ROCK2: variants seen among roughly 807,000 people sequenced by gnomAD.
ROCK2 encodes rho-associated protein kinase 2.
Under a neutral mutation model 195.1 loss-of-function variants are expected in ROCK2, and 61 were observed. The ratio of observed to expected loss-of-function variants is 0.31; its 90% CI spans 0.25 to 0.39. The LOEUF (loss-of-function observed/expected upper bound fraction) is 0.39. Ranked by LOEUF, ROCK2 falls within the 10% of genes least tolerant of loss-of-function variation. ROCK2 has a pLI of 1.00. For synonymous variants in ROCK2, 504 were observed against 545.5 expected (o/e 0.92, Z 1.06); for missense variants, 1,109 against 1,637.4 (o/e 0.68, Z 5.57).
At chr2:11,286,249 T>TTTTTTTTTTTTTTTTTG (rs1482990918) in intron 3 of ROCK2, among the ~76,000 whole-genome samples, 4 of 144,428 alleles carry the variant, frequency 2.8e-5, no homozygotes, top group African/African-American at 1.0e-4. Flanking sequence ...CAGATGTTTT[T>TTTTTTTTTTTTTTTTTG]AATCTGAACA....
intron 1 of ROCK2, among the ~76,000 whole-genome samples, chr2:11,321,141 T>C (rs984471766): frequency 6.6e-6 from 1 of 152,120 alleles, no homozygotes; most frequent in African/African-American, 2.4e-5. Context: ...ACTGCTGCTC[T>C]TTACCGGCAT....
At chr2:11,337,521 G>C (rs968321603) in intron 1 of ROCK2, among the ~76,000 whole-genome samples, 1 of 152,122 alleles carries the variant, frequency 6.6e-6, no homozygotes, top group Non-Finnish European at 1.5e-5. Context: ...CATGCAAATC[G>C]AAATCACATT....
chr2:11,293,878 G>C (rs1216586128), intron 1 of ROCK2, among the ~76,000 whole-genome samples: 1 of 152,112 alleles, frequency 6.6e-6, no homozygotes, highest in Non-Finnish European at 1.5e-5. Context: ...GAACGTACGG[G>C]CCAGGCGCGG....
In ROCK2 at chr2:11,227,507, C is replaced by T. The variant is rs1664857036; in HGVS notation, c.724-109G>A. On this transcript the variant is annotated intron_variant, in intron 5 of 32. Transcript: ENST00000315872. ...ATATACAATGATTACATATTGCTAA[C>T]CAACAGAACTTCACTGCTGACATGA... is the stretch of plus-strand genomic sequence containing the variant. 13 of 992,004 alleles carry T rather than the reference C, an allele frequency of 1.3e-5. No homozygotes were observed. The South Asian group carries it at 2.6e-4, about 20-fold the overall frequency. 61.5% of individuals were successfully genotyped at this position (992,004 alleles called of 1,614,324 possible). A position where few individuals can be genotyped will look rare whatever the true frequency, so the allele number is the denominator to read the frequency against.
At chr2:11,312,917 A>C (rs1006734473) in intron 1 of ROCK2, among the ~76,000 whole-genome samples, 1 of 152,140 alleles carries the variant, frequency 6.6e-6, no homozygotes, top group African/African-American at 2.4e-5. Flanking sequence ...ATTCTGGAAA[A>C]GGCAAAACTA....
At position 11,180,495 on chromosome 2, in the gene ROCK2, GTTT is replaced by G. The variant is rs1405377390; in HGVS notation, c.*2939_*2941del. ...TTAAAACTTGTTTCTAGAGAACATGGTTTTTTAAAATTAATACTTTAAAAACAT... is the reference window on the plus strand; with the variant it reads ...TTAAAACTTGTTTCTAGAGAACATGGTTTAAAATTAATACTTTAAAAACAT... On this transcript the variant is annotated 3_prime_UTR_variant, in exon 33 of 33. Coordinates refer to ENST00000315872, the MANE Select transcript of ROCK2 (RefSeq NM_004850.5). 6 of 152,056 alleles carry G rather than the reference GTTT, an allele frequency of 3.9e-5. No individual in the cohort carries two copies. Among genetic ancestry groups the G allele is most frequent in the Admixed American group, 6.6e-5 (1 of 15,260 alleles). 9.4% of individuals were successfully genotyped at this position (152,056 alleles called of 1,614,324 possible).
At chr2:11,343,539 G>C (rs1282850732) in intron 1 of ROCK2, among the ~76,000 whole-genome samples, 2 of 152,218 alleles carry the variant, frequency 1.3e-5, no homozygotes, top group African/African-American at 2.4e-5. Context: ...ACTAAAAGGA[G>C]AGAGTGAGGG....
rs752852649 is a variant in ROCK2, at chr2:11,200,982, G to C, written c.2885C>G (p.Thr962Arg). The C allele has an allele frequency of 1.9e-6, 3 of 1,594,614 alleles. No homozygotes were observed. Among genetic ancestry groups the C allele is most frequent in the Admixed American group, 1.8e-5 (1 of 54,892 alleles). Reference sequence around the variant, plus strand: ...AGAAGCAATTGTAGCATCTTTTTCCGTAAGTTCCTGTTTGTGTCTAGCCAT... The same window carrying C: ...AGAAGCAATTGTAGCATCTTTTTCCCTAAGTTCCTGTTTGTGTCTAGCCAT... ...EMMARHKQEL[T>R]EKDATIASLE... Residue 962 changes from threonine (T) to arginine (R), a missense_variant, in exon 23 of 33, where the codon ACG becomes AGG. By Grantham distance (71) the Thr-to-Arg change is moderately conservative. Transcript: ENST00000315872.
At chr2:11,278,648 T>C (rs766513593) in intron 3 of ROCK2, among the ~76,000 whole-genome samples, 41 of 152,314 alleles carry the variant, frequency 2.7e-4, no homozygotes, top group South Asian at 6.2e-4. Context: ...AGTCTCACTC[T>C]GTCGCCCAGC....
chr2:11,227,514 A>T, intron 5 of ROCK2, 116 bp from the exon 6 acceptor site: 1 of 898,148 alleles, frequency 1.1e-6, no homozygotes, highest in Non-Finnish European at 1.7e-6. Flanking sequence ...TAACCAACAG[A>T]ACTTCACTGC....
intron 32 of ROCK2, among the ~76,000 whole-genome samples, chr2:11,185,686 GC>G (rs1452618858): frequency 6.6e-6 from 1 of 152,110 alleles, no homozygotes; most frequent in Non-Finnish European, 1.5e-5. Flanking sequence ...CCGAGATCGT[GC>G]CATTGCACTC....
intron 3 of ROCK2, among the ~76,000 whole-genome samples, chr2:11,282,434 C>T (rs10204503): frequency 0.32 from 48,989 of 151,668 alleles, 8,182 homozygotes; most frequent in East Asian, 0.54. Context: ...TATAAAGCTA[C>T]AGTAATCAAG....
At chr2:11,285,472 A>T (rs1029859038) in intron 3 of ROCK2, among the ~76,000 whole-genome samples, 3 of 152,020 alleles carry the variant, frequency 2.0e-5, no homozygotes, top group Non-Finnish European at 4.4e-5. Flanking sequence ...CAGAAGAATA[A>T]TATTCTTCTT....
In ROCK2 at chr2:11,268,421, C is replaced by T. The variant is rs540307717; in HGVS notation, c.324+18118G>A. ...GAAAGGAACATTTTGAAATATGCCACAGCATTCGCTTCTTAAGGTCAGCCC... is the reference window on the plus strand; with the variant it reads ...GAAAGGAACATTTTGAAATATGCCATAGCATTCGCTTCTTAAGGTCAGCCC... On this transcript the variant is annotated intron_variant, in intron 3 of 32. Coordinates refer to ENST00000315872, the MANE Select transcript of ROCK2 (RefSeq NM_004850.5). 3.2e-4 allele frequency among the ~76,000 whole-genome samples: 49 copies of T among 152,236 alleles called. No homozygotes were observed. In the South Asian group the frequency reaches 9.5e-3, roughly 30 times the overall value.
intron 1 of ROCK2, among the ~76,000 whole-genome samples, chr2:11,296,573 C>T (rs552990000): frequency 9.2e-5 from 14 of 152,228 alleles, no homozygotes; most frequent in Admixed American, 5.2e-4. Flanking sequence ...GCTATTATTA[C>T]CACTATTTTC....
chr2:11,311,908 G>A (rs548084024), intron 1 of ROCK2, among the ~76,000 whole-genome samples: 1 of 152,074 alleles, frequency 6.6e-6, no homozygotes, highest in African/African-American at 2.4e-5. Context: ...ATCTAGAAAG[G>A]CTATTACTAT....
In ROCK2 at chr2:11,192,885, A is replaced by G. The variant is rs1663482485; in HGVS notation, c.3688-173T>C. Among the ~76,000 whole-genome samples the G allele has an allele frequency of 6.6e-6, 1 of 152,272 alleles. No homozygotes were observed. Among genetic ancestry groups the G allele is most frequent in the Non-Finnish European group, 1.5e-5 (1 of 68,046 alleles). Reference sequence around the variant, plus strand: ...TACGCAAACTTAATCAAGAGCTTATATAAGAAAAGTCATCAGACAGTCACT... The same window carrying G: ...TACGCAAACTTAATCAAGAGCTTATGTAAGAAAAGTCATCAGACAGTCACT... On this transcript the variant is annotated intron_variant, in intron 30 of 32. Coordinates refer to ENST00000315872, the MANE Select transcript of ROCK2 (RefSeq NM_004850.5). This position sits in a 1 kb window ranked among gnomAD's most constrained non-coding sequence, Gnocchi z 5.0.
chr2:11,231,365 G>A (rs1242611727), intron 5 of ROCK2, among the ~76,000 whole-genome samples: 1 of 152,000 alleles, frequency 6.6e-6, no homozygotes, highest in Non-Finnish European at 1.5e-5. Context: ...GCGCCATCAT[G>A]CCCGGCTAAT....
At chr2:11,193,890 T>A (rs1464934087) in intron 29 of ROCK2, 33 bp from the exon 30 acceptor site, 2 of 1,196,796 alleles carry the variant, frequency 1.7e-6, no homozygotes, top group Admixed American at 3.6e-5. Flanking sequence ...GAATAAAATA[T>A]CACCCAAGGA....
Sources: allele counts gnomAD v4.1 joint callset (sites outside exome capture counted in the v4.1 genomes callset), GRCh38; gene constraint gnomAD v4.1.1; non-coding constraint Gnocchi (gnomAD v3.1); transcripts MANE v1.5; gene names NCBI Gene and HGNC (gene_info 2026-07-23, HGNC 2026-07-21).